Variants in GLIS1 observed in about 807,000 individuals in gnomAD.
The protein encoded by GLIS1 is GLIS family zinc finger 1.
In GLIS1, 24 loss-of-function variants were observed where a neutral mutation model predicts 63.8. The observed-to-expected ratio is 0.38, with a 90% CI of 0.27 to 0.53. The LOEUF (loss-of-function observed/expected upper bound fraction) is 0.53. Among genes scored for constraint, GLIS1 ranks in the 20% least tolerant of loss-of-function variants. The pLI is 0.85. For missense variants in GLIS1, 1,036 were observed against 1,074.1 expected, an observed-to-expected ratio of 0.96 and a Z score of 0.50; for synonymous variants, 450 against 482.5, an observed-to-expected ratio of 0.93 and a Z score of 0.88.
intron 2 of GLIS1, among the ~76,000 whole-genome samples, chr1:53,659,523 T>C (rs1378492945): frequency 1.3e-5 from 2 of 152,120 alleles, no homozygotes; most frequent in South Asian, 2.1e-4. Context: ...ACATGGTGAG[T>C]TGGTGACAGA....
At chr1:53,648,033 AT>A (rs1286989759) in intron 2 of GLIS1, among the ~76,000 whole-genome samples, 1 of 152,096 alleles carries the variant, frequency 6.6e-6, no homozygotes, top group East Asian at 1.9e-4. Context: ...TTAGCCAGGC[AT>A]GGTGGTATGT....
At chr1:53,616,717 G>A (rs910158357) in intron 2 of GLIS1, among the ~76,000 whole-genome samples, 1 of 152,096 alleles carries the variant, frequency 6.6e-6, no homozygotes, top group Admixed American at 6.5e-5. Context: ...TGTCCTGGGG[G>A]ACAATGCAGA....
At chr1:53,642,163 T>C (rs1295834649) in intron 2 of GLIS1, among the ~76,000 whole-genome samples, 1 of 152,262 alleles carries the variant, frequency 6.6e-6, no homozygotes, top group Non-Finnish European at 1.5e-5. Flanking sequence ...GCCCTGTTTC[T>C]GTTCCCCATT....
At chr1:53,731,079 C>T (rs1646855053) in intron 2 of GLIS1, among the ~76,000 whole-genome samples, 1 of 152,226 alleles carries the variant, frequency 6.6e-6, no homozygotes, top group Admixed American at 6.5e-5. Flanking sequence ...GGGGAGACTA[C>T]GACCGGGGCC....
At chr1:53,668,671 A>C (rs1371330998) in intron 2 of GLIS1, among the ~76,000 whole-genome samples, 1 of 151,984 alleles carries the variant, frequency 6.6e-6, no homozygotes, top group Non-Finnish European at 1.5e-5. Context: ...CTATGTTTAG[A>C]TATGTTTTAG....
At chr1:53,622,427 CAAAAAAA>C (rs60923620) in intron 2 of GLIS1, among the ~76,000 whole-genome samples, 7 of 132,350 alleles carry the variant, frequency 5.3e-5, no homozygotes, top group East Asian at 4.6e-4. Flanking sequence ...GACTATGTCT[CAAAAAAA>C]AAAAAAAAAA....
intron 2 of GLIS1, among the ~76,000 whole-genome samples, chr1:53,630,949 T>C (rs1645645895): frequency 6.6e-6 from 1 of 152,264 alleles, no homozygotes; most frequent in African/African-American, 2.4e-5. Context: ...TGGCTATCTG[T>C]ATTTCTTCCT....
chr1:53,657,811 G>A (rs1342974879), intron 2 of GLIS1, among the ~76,000 whole-genome samples: 1 of 152,216 alleles, frequency 6.6e-6, no homozygotes, highest in East Asian at 1.9e-4. Context: ...AAAAAATTGT[G>A]AGATCTGGTG....
intron 6 of GLIS1, among the ~76,000 whole-genome samples, chr1:53,523,716 C>T (rs1644434984): frequency 6.6e-6 from 1 of 152,202 alleles, no homozygotes; most frequent in Non-Finnish European, 1.5e-5. Flanking sequence ...CCTGTCCCTC[C>T]TGCCATGGCC....
intron 3 of GLIS1, among the ~76,000 whole-genome samples, chr1:53,596,283 G>C (rs1332744323): frequency 6.6e-6 from 1 of 152,206 alleles, no homozygotes; most frequent in African/African-American, 2.4e-5. Context: ...GGGGGGACCA[G>C]GTAAGGTGCA....
At chr1:53,670,522 T>C (rs538540162) in intron 2 of GLIS1, among the ~76,000 whole-genome samples, 1 of 152,246 alleles carries the variant, frequency 6.6e-6, no homozygotes, top group Non-Finnish European at 1.5e-5. Flanking sequence ...ATTTATAGTT[T>C]TCACAACTTA....
intron 10 of GLIS1, among the ~76,000 whole-genome samples, chr1:53,507,822 C>T (rs1255303507): frequency 6.6e-6 from 1 of 152,192 alleles, no homozygotes; most frequent in Admixed American, 6.5e-5. Context: ...CATTCTAAGC[C>T]TTGCTGCTCA....
chr1:53,700,248 T>A (rs1361244633), intron 2 of GLIS1, among the ~76,000 whole-genome samples: 1 of 152,184 alleles, frequency 6.6e-6, no homozygotes, highest in African/African-American at 2.4e-5. Context: ...CCCAGGCCAC[T>A]GCCAGCCCTC....
At chr1:53,703,455 A>G (rs974084247) in intron 2 of GLIS1, among the ~76,000 whole-genome samples, 4 of 151,962 alleles carry the variant, frequency 2.6e-5, no homozygotes, top group African/African-American at 9.7e-5. Context: ...TGGGCAATAT[A>G]GCAAGACCCC....
At chr1:53,509,336 G>A (rs1291403412) in intron 9 of GLIS1, 49 bp from the exon 10 acceptor site, 1 of 1,482,900 alleles carries the variant, frequency 6.7e-7, no homozygotes, top group South Asian at 1.3e-5. Flanking sequence ...GAAGTGCCCA[G>A]GGCAGGGAGG....
At chr1:53,535,542 T>G (rs563550573) in intron 4 of GLIS1, among the ~76,000 whole-genome samples, 1 of 151,918 alleles carries the variant, frequency 6.6e-6, no homozygotes, top group Non-Finnish European at 1.5e-5. Context: ...GCCCCTGACC[T>G]CCCACCTTCT....
chr1:53,606,964 C>T (rs572187368), intron 2 of GLIS1, among the ~76,000 whole-genome samples: 4 of 152,296 alleles, frequency 2.6e-5, no homozygotes, highest in South Asian at 2.1e-4. Flanking sequence ...AGCTCCAGCC[C>T]GGTCCAGGGC....
intron 2 of GLIS1, among the ~76,000 whole-genome samples, chr1:53,708,759 A>G (rs1646607582): frequency 6.6e-6 from 1 of 151,948 alleles, no homozygotes; most frequent in African/African-American, 2.4e-5. Flanking sequence ...TGCCCCTCTG[A>G]CCACCTGCAG....
chr1:53,601,282 G>A (rs185778311), intron 2 of GLIS1, among the ~76,000 whole-genome samples: 1 of 152,336 alleles, frequency 6.6e-6, no homozygotes, highest in East Asian at 1.9e-4. Context: ...TCTGAGAGCA[G>A]GGGCACAAAG....
Sources: allele counts gnomAD v4.1 joint callset (sites outside exome capture counted in the v4.1 genomes callset), GRCh38; gene constraint gnomAD v4.1.1; transcripts MANE v1.5; gene names NCBI Gene and HGNC (gene_info 2026-07-23, HGNC 2026-07-21).